Variants in LMO7 observed in about 807,000 individuals in gnomAD.
LMO7 encodes LIM domain 7, also known as LIM domain only protein 7.
LMO7 carries 120 observed loss-of-function variants against 206.5 expected under a neutral mutation model. The ratio of observed to expected loss-of-function variants is 0.58; its 90% CI spans 0.50 to 0.68. The LOEUF (loss-of-function observed/expected upper bound fraction) is 0.68. Ranked by LOEUF, LMO7 falls within the 30% of genes least tolerant of loss-of-function variation. The probability of loss-of-function intolerance (pLI) is 0.00; values close to 1 mark genes in which losing one functional copy is unlikely to be tolerated. For synonymous variants in LMO7, 706 were observed against 681.5 expected (o/e 1.04, Z -0.56); for missense variants, 1,959 against 1,957.9 (o/e 1.00, Z -0.01).
chr13:75,801,310 C>T (rs2140934413), intron 7 of LMO7, among the ~76,000 whole-genome samples: 1 of 151,146 alleles, frequency 6.6e-6, no homozygotes, highest in South Asian at 2.1e-4. Context: ...TAAAAAAACT[C>T]TCTTAAGCAA....
In LMO7 at chr13:75,849,104, T is replaced by C. The variant is rs1259562074; in HGVS notation, c.4176T>C (p.Ile1392=). ...GAAACAATAAATATTTAGACCAAATTGGGAACATGACCTCTTCACAGAGGA... is the reference window on the plus strand; with the variant it reads ...GAAACAATAAATATTTAGACCAAATCGGGAACATGACCTCTTCACAGAGGA... ...KNGNNKYLDQ[I]GNMTSSQRRS... Residue 1392 remains isoleucine, a synonymous_variant, in exon 27 of 31, where the codon ATT becomes ATC. Transcript: ENST00000377534. The C allele has an allele frequency of 1.2e-5, 20 of 1,609,030 alleles. 1 individual carries two copies. The highest frequency in any genetic ancestry group is 1.7e-5 in the Non-Finnish European group (20 of 1,175,560).
At chr13:75,689,397 C>T (rs2041271008) in intron 1 of LMO7, among the ~76,000 whole-genome samples, 1 of 152,174 alleles carries the variant, frequency 6.6e-6, no homozygotes, top group Admixed American at 6.5e-5. Flanking sequence ...TTCCAAGATA[C>T]AGCATTTCAT....
intron 1 of LMO7, among the ~76,000 whole-genome samples, chr13:75,693,978 T>G (rs779570066): frequency 7.2e-5 from 11 of 152,166 alleles, no homozygotes; most frequent in Non-Finnish European, 1.6e-4. Flanking sequence ...AGTCTGTCTT[T>G]TCTTTTAATC....
chr13:75,745,670 T>C (rs1160478777), intron 3 of LMO7, among the ~76,000 whole-genome samples: 1 of 152,144 alleles, frequency 6.6e-6, no homozygotes, highest in Non-Finnish European at 1.5e-5. Flanking sequence ...AGCAGATTGC[T>C]CTCCCTACTG....
intron 2 of LMO7, among the ~76,000 whole-genome samples, chr13:75,719,128 C>T (rs1307687998): frequency 6.6e-6 from 1 of 151,988 alleles, no homozygotes; most frequent in African/African-American, 2.4e-5. Context: ...TACAGGCACG[C>T]ACCACCACGC....
Position 75,807,872 on chromosome 13 carries a change from C to G in LMO7, c.1589C>G (p.Pro530Arg). 6.2e-7 allele frequency: 1 copy of G among 1,613,840 alleles called. No homozygotes were observed. The highest frequency in any genetic ancestry group is 8.5e-7 in the Non-Finnish European group (1 of 1,179,820). The part of the protein sequence containing the change: ...RRIPAQKKEV[P>R]LSGAPDRYHP... Reference sequence around the variant, plus strand: ...ATTCCAGCACAGAAGAAAGAAGTGCCGCTGTCTGGGGCCCCAGATAGATAC... The same window carrying G: ...ATTCCAGCACAGAAGAAAGAAGTGCGGCTGTCTGGGGCCCCAGATAGATAC... The change falls in exon 10 of 31, where the codon CCG (proline) becomes CGG (arginine). Residue 530 changes from proline (P) to arginine (R), a missense_variant. Transcript: ENST00000377534.
intron 14 of LMO7, 122 bp from the exon 15 acceptor site, chr13:75,823,443 T>C: frequency 1.3e-6 from 1 of 742,502 alleles, no homozygotes; most frequent in Non-Finnish European, 2.1e-6. Context: ...CTTTTAGCAA[T>C]AGTTATGTTA....
chr13:75,675,523 A>AT (rs1205801552), intron 1 of LMO7, among the ~76,000 whole-genome samples: 1 of 152,100 alleles, frequency 6.6e-6, no homozygotes, highest in African/African-American at 2.4e-5. Context: ...TTTGATGCAC[A>AT]TTTTTTTCTC....
intron 4 of LMO7, among the ~76,000 whole-genome samples, chr13:75,792,514 A>G (rs919673191): frequency 2.6e-5 from 4 of 152,196 alleles, no homozygotes; most frequent in Non-Finnish European, 4.4e-5. Context: ...AGGCTGTCTT[A>G]TATTTCATTC....
chr13:75,675,248 A>G (rs1361894402), intron 1 of LMO7, among the ~76,000 whole-genome samples: 4 of 151,706 alleles, frequency 2.6e-5, no homozygotes, highest in Non-Finnish European at 5.9e-5. Flanking sequence ...TAATTTTTGT[A>G]TTTTTAGTAG....
At chr13:75,638,465 A>G (rs1392708145) in intron 1 of LMO7, among the ~76,000 whole-genome samples, 1 of 152,218 alleles carries the variant, frequency 6.6e-6, no homozygotes, top group Non-Finnish European at 1.5e-5. Flanking sequence ...GGTGTTTATC[A>G]GCAATGATTT....
chr13:75,630,957 G>A (rs1340600176), intron 2 of LMO7, among the ~76,000 whole-genome samples: 1 of 143,656 alleles, frequency 7.0e-6, no homozygotes, highest in East Asian at 2.2e-4. Flanking sequence ...TGCCTGGCCT[G>A]CCTTTTTTCA....
At chr13:75,672,639 A>G (rs1384783594) in intron 1 of LMO7, among the ~76,000 whole-genome samples, 1 of 152,202 alleles carries the variant, frequency 6.6e-6, no homozygotes, top group Non-Finnish European at 1.5e-5. Context: ...TTCCAACAGT[A>G]GGGTAACTCC....
intron 25 of LMO7, among the ~76,000 whole-genome samples, chr13:75,844,691 G>A (rs2059846407): frequency 6.6e-6 from 1 of 152,140 alleles, no homozygotes; most frequent in African/African-American, 2.4e-5. Flanking sequence ...TTACAGGAGT[G>A]AGCCACCAAG....
At chr13:75,691,745 A>G (rs1337957109) in intron 1 of LMO7, among the ~76,000 whole-genome samples, 1 of 152,142 alleles carries the variant, frequency 6.6e-6, no homozygotes, top group South Asian at 2.1e-4. Context: ...GGAAATATCT[A>G]TGCTTAATCT....
At chr13:75,737,777 T>TGAAAA (rs1555305719) in intron 3 of LMO7, among the ~76,000 whole-genome samples, 3 of 22,694 alleles carry the variant, frequency 1.3e-4, no homozygotes, top group East Asian at 1.9e-3. Flanking sequence ...TAAAATAAAA[T>TGAAAA]AAAATAAAAA....
At position 75,808,918 on chromosome 13, in the gene LMO7, A is replaced by G. The variant is rs2273994; in HGVS notation, c.1917-236A>G. ...GTTCCTGACAATGGGAAGCCTTTTC[A>G]TATGGATTTGTTAGCTCAGAGTAAA... is the stretch of plus-strand genomic sequence containing the variant. On this transcript the variant is annotated intron_variant, in intron 10 of 30. Transcript: ENST00000377534. Among the ~76,000 whole-genome samples the G allele has an allele frequency of 9.2e-3, 1,401 of 152,318 alleles. 56 individuals carry two copies. Among genetic ancestry groups the G allele is most frequent in the Admixed American group, 0.058 (889 of 15,298 alleles).
chr13:75,854,398 G>A (rs1402108466), intron 28 of LMO7, among the ~76,000 whole-genome samples: 13 of 152,182 alleles, frequency 8.5e-5, no homozygotes, highest in Admixed American at 7.9e-4. Context: ...TTTGGGTACG[G>A]TAGGGAGGTG....
intron 1 of LMO7, among the ~76,000 whole-genome samples, chr13:75,648,861 G>C (rs1012310110): frequency 6.6e-6 from 1 of 152,148 alleles, no homozygotes; most frequent in Non-Finnish European, 1.5e-5. Context: ...GTACCTTCTG[G>C]GTACTTGTCC....
Sources: gnomAD v4.1 joint callset for allele counts (sites outside exome capture counted in the v4.1 genomes callset) on GRCh38, gnomAD v4.1.1 for gene constraint, MANE v1.5 for transcripts, NCBI Gene and HGNC (gene_info 2026-07-23, HGNC 2026-07-21) for gene names.